The following PCDHGA5 variants were observed in gnomAD, a reference collection of about 807,000 sequenced individuals.
PCDHGA5 encodes protocadherin gamma subfamily A, 5, also known as protocadherin gamma-A5.
PCDHGA5 carries 36 observed loss-of-function variants against 56.7 expected under a neutral mutation model. That is an observed-to-expected ratio of 0.64 (90% CI 0.49 to 0.84). PCDHGA5 has a LOEUF of 0.84. Among genes scored for constraint, PCDHGA5 ranks in the 40% least tolerant of loss-of-function variants. The pLI is 0.00. For missense variants in PCDHGA5, 1,305 were observed against 1,201.5 expected, an observed-to-expected ratio of 1.09 and a Z score of -1.27; for synonymous variants, 563 against 520.2, an observed-to-expected ratio of 1.08 and a Z score of -1.12.
chr5:141,496,621 C>A (rs1297797187), intron 2 of PCDHGA5, among the ~76,000 whole-genome samples: 1 of 152,214 alleles, frequency 6.6e-6, no homozygotes. Context: ...AGCAGCAGAT[C>A]AAAAGGCTTG....
intron 1 of PCDHGA5, among the ~76,000 whole-genome samples, chr5:141,447,063 G>C (rs762309557): frequency 6.6e-6 from 1 of 152,028 alleles, no homozygotes; most frequent in South Asian, 2.1e-4. Context: ...AATGTGTCAG[G>C]CTGTTTTAAT....
At chr5:141,419,753 T>C (rs764151937) in intron 1 of PCDHGA5, 10 of 1,613,856 alleles carry the variant, frequency 6.2e-6, no homozygotes, top group South Asian at 2.2e-5. Context: ...GGTGCGTGCT[T>C]TGGGTGACAA....
intron 1 of PCDHGA5, chr5:141,404,364 T>A (rs1353392173): frequency 2.5e-6 from 4 of 1,613,962 alleles, no homozygotes; most frequent in Non-Finnish European, 3.4e-6. Context: ...GGTACTTCCA[T>A]CTTCTCCGTG....
At chr5:141,387,877 C>T in intron 1 of PCDHGA5, 1 of 1,585,868 alleles carries the variant, frequency 6.3e-7, no homozygotes, top group Non-Finnish European at 8.6e-7. Flanking sequence ...CTGAGGAGAG[C>T]AAGAGGGATG....
chr5:141,487,512 C>T lies in PCDHGA5; in HGVS notation c.2422-7295C>T, dbSNP rs372606253. The stretch of plus-strand genomic sequence containing the variant: ...TGTACACCCTTGGCTTCTGCACCCA[C>T]TCGGAGTGATAGCTTCATGATGGTG... On this transcript the variant is annotated intron_variant, in intron 1 of 3. Transcript: ENST00000518069. This position sits in a 1 kb window ranked among gnomAD's most constrained non-coding sequence, Gnocchi z 5.0. 3.7e-6 allele frequency: 6 copies of T among 1,614,082 alleles called. No homozygotes were observed. The highest frequency in any genetic ancestry group is 5.1e-6 in the Non-Finnish European group (6 of 1,180,044).
At chr5:141,393,746 A>G (rs1167040701) in intron 1 of PCDHGA5, 6 of 1,613,800 alleles carry the variant, frequency 3.7e-6, no homozygotes, top group South Asian at 1.1e-5. Context: ...ATTATGAAGA[A>G]TGTTCATTTT....
At chr5:141,428,100 G>C (rs1313410784) in intron 1 of PCDHGA5, 11 of 1,608,462 alleles carry the variant, frequency 6.8e-6, no homozygotes, top group Non-Finnish European at 9.3e-6. Context: ...GTCCTACCAC[G>C]TGCTGCAGGC....
intron 1 of PCDHGA5, among the ~76,000 whole-genome samples, chr5:141,442,702 T>A (rs1301940560): frequency 1.3e-5 from 2 of 152,342 alleles, no homozygotes; most frequent in African/African-American, 4.8e-5. Context: ...GACAAGAGTA[T>A]CAGACATGCC....
intron 1 of PCDHGA5, among the ~76,000 whole-genome samples, chr5:141,405,839 G>C (rs2094725144): frequency 6.6e-6 from 1 of 152,134 alleles, no homozygotes; most frequent in African/African-American, 2.4e-5. Context: ...AGTATAAGTT[G>C]ATATCAGTGT....
intron 1 of PCDHGA5, among the ~76,000 whole-genome samples, chr5:141,471,737 A>G (rs2099263581): frequency 6.6e-6 from 1 of 152,232 alleles, no homozygotes; most frequent in Non-Finnish European, 1.5e-5. Context: ...AAGGTTGGAG[A>G]CATAACATAT....
intron 1 of PCDHGA5, among the ~76,000 whole-genome samples, chr5:141,381,821 TTC>T (rs1354203071): frequency 5.5e-5 from 7 of 126,128 alleles, no homozygotes; most frequent in African/African-American, 2.4e-4. Context: ...TCTTTCTTTC[TTC>T]TTCTTTTTTT....
At position 141,486,927 on chromosome 5, in the gene PCDHGA5, G is replaced by A; in HGVS notation, c.2422-7880G>A. ...CCCCAAGCACTGCCTCCATCAGTTG[G>A]TGCTGGCCACCTAATCACAAAGGTG... On this transcript the variant is annotated intron_variant, in intron 1 of 3. Transcript: ENST00000518069. The surrounding 1 kb of genome is among the most constrained non-coding windows in gnomAD (Gnocchi z 5.0). 4 of 1,614,226 alleles carry A rather than the reference G, an allele frequency of 2.5e-6. No individual in the cohort carries two copies. Among genetic ancestry groups the A allele is most frequent in the Non-Finnish European group, 3.4e-6 (4 of 1,180,046 alleles).
At chr5:141,371,258 G>A in intron 1 of PCDHGA5, 1 of 1,614,052 alleles carries the variant, frequency 6.2e-7, no homozygotes, top group South Asian at 1.1e-5. Context: ...GCAAGGAAGT[G>A]AGACAACTGT....
intron 1 of PCDHGA5, chr5:141,409,493 CCT>C (rs1312265786): frequency 6.2e-6 from 10 of 1,614,012 alleles, no homozygotes; most frequent in Non-Finnish European, 7.6e-6. Context: ...GGGCAAGCCG[CCT>C]CTTTCTTCCA....
At chr5:141,384,163 C>T in intron 1 of PCDHGA5, 1 of 1,613,658 alleles carries the variant, frequency 6.2e-7, no homozygotes, top group Non-Finnish European at 8.5e-7. Context: ...TAACATCACA[C>T]TGAAAGCCAC....
intron 1 of PCDHGA5, chr5:141,372,361 C>A (rs1227917364): frequency 6.2e-7 from 1 of 1,613,952 alleles, no homozygotes; most frequent in South Asian, 1.1e-5. Context: ...CCTCTTTCAG[C>A]CACCGTCATG....
rs1247067983 is a variant in PCDHGA5, at chr5:141,511,327, C to T, written c.*154C>T. ...CCCTTGGGAAACAGAAACAAGTGCC[C>T]AGTCAGCACCTACCCCTTCCCCCCC... On this transcript the variant is annotated 3_prime_UTR_variant, in exon 4 of 4. Transcript: ENST00000518069. 28 of 1,455,454 alleles carry T rather than the reference C, an allele frequency of 1.9e-5. No individual in the cohort carries two copies. Among genetic ancestry groups the T allele is most frequent in the Admixed American group, 2.4e-5 (1 of 41,734 alleles). 90.2% of individuals were successfully genotyped at this position (1,455,454 alleles called of 1,614,324 possible). A position where few individuals can be genotyped will look rare whatever the true frequency, so the allele number is the denominator to read the frequency against.
intron 1 of PCDHGA5, chr5:141,372,864 AT>A (rs1769140168): frequency 5.7e-6 from 8 of 1,393,446 alleles, no homozygotes; most frequent in Non-Finnish European, 6.7e-6. Context: ...CAATTCATTG[AT>A]TTAGAGATAA....
chr5:141,369,822 T>C (rs550233059), intron 1 of PCDHGA5, among the ~76,000 whole-genome samples: 1 of 152,318 alleles, frequency 6.6e-6, no homozygotes, highest in Non-Finnish European at 1.5e-5. Context: ...ATAGCTTCCA[T>C]TTGTATGATT....
Sources: allele counts gnomAD v4.1 joint callset (sites outside exome capture counted in the v4.1 genomes callset), GRCh38; gene constraint gnomAD v4.1.1; non-coding constraint Gnocchi (gnomAD v3.1); transcripts MANE v1.5; gene names NCBI Gene and HGNC (gene_info 2026-07-23, HGNC 2026-07-21).